Variants in PBRM1 observed in about 807,000 individuals in gnomAD.
The protein encoded by PBRM1 is polybromo 1, also known as protein polybromo-1.
PBRM1 carries 27 observed loss-of-function variants against 194.5 expected under a neutral mutation model. That is an observed-to-expected ratio of 0.14 (90% CI 0.10 to 0.19). The LOEUF (loss-of-function observed/expected upper bound fraction) is 0.19. Ranked by LOEUF, PBRM1 falls within the 10% of genes least tolerant of loss-of-function variation. The pLI, the probability that PBRM1 is intolerant of heterozygous loss-of-function variation, is 1.00. For missense variants in PBRM1, 1,466 were observed against 2,077.2 expected, an observed-to-expected ratio of 0.71 and a Z score of 5.72; for synonymous variants, 655 against 693.2, an observed-to-expected ratio of 0.94 and a Z score of 0.87.
At chr3:52,669,003 A>G (rs1469217486) in intron 2 of PBRM1, among the ~76,000 whole-genome samples, 1 of 152,196 alleles carries the variant, frequency 6.6e-6, no homozygotes, top group Non-Finnish European at 1.5e-5. Flanking sequence ...CATAGTGCTC[A>G]AAAGTGTGAA....
chr3:52,601,131 A>T (rs1487261418), intron 17 of PBRM1, among the ~76,000 whole-genome samples: 1 of 152,206 alleles, frequency 6.6e-6, no homozygotes, highest in Non-Finnish European at 1.5e-5. Context: ...CTGAAGATGT[A>T]TCTGTGGTGT....
Position 52,599,286 on chromosome 3 carries a change from A to C in PBRM1, c.2779+4235T>G, listed in dbSNP as rs146179487. ...ATCAAATCAGGGTAATTAGCATATT[A>C]ATACTCTCAAGGATTTATCACTTCT... On this transcript the variant is annotated intron_variant, in intron 17 of 29. Transcript: ENST00000296302. Among the ~76,000 whole-genome samples the C allele has an allele frequency of 3.6e-3, 548 of 152,328 alleles. 5 individuals carry two copies. Among genetic ancestry groups the C allele is most frequent in the South Asian group, 0.02 (98 of 4,824 alleles).
intron 17 of PBRM1, 89 bp from the exon 20 acceptor site, chr3:52,589,344 A>G (rs1422825548): frequency 1.9e-5 from 14 of 736,710 alleles, no homozygotes; most frequent in Non-Finnish European, 2.3e-5. Context: ...ACACATACTA[A>G]TAATACATTT....
chr3:52,669,018 G>A (rs1467955124), intron 2 of PBRM1, among the ~76,000 whole-genome samples: 1 of 152,140 alleles, frequency 6.6e-6, no homozygotes, highest in Admixed American at 6.5e-5. Context: ...TGTGAAAACA[G>A]AGATATGTCT....
intron 10 of PBRM1, among the ~76,000 whole-genome samples, chr3:52,639,036 G>T (rs1458833419): frequency 1.3e-5 from 2 of 149,396 alleles, no homozygotes; most frequent in Non-Finnish European, 3.0e-5. Flanking sequence ...CCAGGCTGGA[G>T]TGCAATGGCA....
At chr3:52,594,085 T>C (rs1435300961) in intron 17 of PBRM1, among the ~76,000 whole-genome samples, 1 of 152,194 alleles carries the variant, frequency 6.6e-6, no homozygotes, top group African/African-American at 2.4e-5. Flanking sequence ...TCCTGCTGTG[T>C]TACCCAGGCT....
chr3:52,561,484 C>A (rs2083515818), intron 25 of PBRM1, among the ~76,000 whole-genome samples: 2 of 152,096 alleles, frequency 1.3e-5, no homozygotes, highest in South Asian at 2.1e-4. Flanking sequence ...GCTTACAGGG[C>A]TCAATGAAAG....
At chr3:52,547,956 C>T (rs1450045282), downstream of PBRM1, 8 of 869,646 alleles carry the variant, frequency 9.2e-6, 1 homozygote, top group Non-Finnish European at 1.4e-5. Context: ...CAGTAAAATG[C>T]AATAAAAATT....
chr3:52,585,906 C>T (rs1169757078), intron 20 of PBRM1: 3 of 151,870 alleles, frequency 2.0e-5, no homozygotes, highest in Non-Finnish European at 4.4e-5. Context: ...TTGGACTTGT[C>T]AAATAATTAG....
intron 26 of PBRM1, among the ~76,000 whole-genome samples, chr3:52,557,947 A>G (rs986905625): frequency 2.0e-5 from 3 of 152,218 alleles, no homozygotes; most frequent in African/African-American, 4.8e-5. Context: ...GTCTACTTTC[A>G]TATTTTCTGC....
rs1464021077 is a variant in PBRM1, at chr3:52,676,072, G to A, written c.236+2428C>T. Among the ~76,000 whole-genome samples, 2 of 34,860 alleles carry A rather than the reference G, an allele frequency of 5.7e-5. 1 individual carries two copies. Among genetic ancestry groups the A allele is most frequent in the Non-Finnish European group, 9.8e-5 (2 of 20,406 alleles). The allele number at this position is 34,860 out of a possible 152,430, so 22.9% of individuals were successfully genotyped here. A position where few individuals can be genotyped will look rare whatever the true frequency, so the allele number is the denominator to read the frequency against. ...GGAGCTTGCAGTGAGCCGAGATCCC[G>A]CCACTGCACTCCAGCCTGGGCGACA... On this transcript the variant is annotated intron_variant, in intron 2 of 29. Coordinates refer to ENST00000296302, the Ensembl canonical transcript of PBRM1.
chr3:52,566,843 C>T (rs972830352), intron 22 of PBRM1, among the ~76,000 whole-genome samples: 7 of 151,970 alleles, frequency 4.6e-5, no homozygotes, highest in Admixed American at 2.6e-4. Flanking sequence ...CCAAGGTGGG[C>T]GGATCACCTG....
At chr3:52,549,661 T>C (rs1232705369) in intron 29 of PBRM1, among the ~76,000 whole-genome samples, 1 of 152,086 alleles carries the variant, frequency 6.6e-6, no homozygotes, top group Non-Finnish European at 1.5e-5. Context: ...TCCCAGCTCT[T>C]TGGGAGGCTG....
At chr3:52,566,587 T>C (rs1237952542) in intron 22 of PBRM1, among the ~76,000 whole-genome samples, 1 of 152,182 alleles carries the variant, frequency 6.6e-6, no homozygotes, top group Non-Finnish European at 1.5e-5. Context: ...ATTCCACTTA[T>C]ATGCAGTATA....
chr3:52,672,818 A>C (rs2096980413), intron 2 of PBRM1, among the ~76,000 whole-genome samples: 2 of 151,230 alleles, frequency 1.3e-5, no homozygotes, highest in Admixed American at 1.3e-4. Context: ...TGAAGAGAAT[A>C]GTGATTATAT....
downstream of PBRM1, chr3:52,545,999 G>GC: frequency 4.3e-6 from 1 of 233,122 alleles, no homozygotes; most frequent in Non-Finnish European, 8.5e-6. Flanking sequence ...GTCTAGTGAT[G>GC]CCCTGGGCCG....
At chr3:52,596,017 A>G (rs999128030) in intron 17 of PBRM1, among the ~76,000 whole-genome samples, 10 of 152,186 alleles carry the variant, frequency 6.6e-5, no homozygotes, top group African/African-American at 2.4e-4. Context: ...TTTTTATGCC[A>G]GCACCATGCT....
chr3:52,622,220 C>T (rs1341527373), intron 13 of PBRM1, among the ~76,000 whole-genome samples: 1 of 151,900 alleles, frequency 6.6e-6, no homozygotes, highest in Non-Finnish European at 1.5e-5. Flanking sequence ...GCACCTGTAT[C>T]CCAGCTACTT....
intron 25 of PBRM1, chr3:52,560,637 C>G (rs1410270172): frequency 6.6e-6 from 1 of 152,136 alleles, no homozygotes; most frequent in Admixed American, 6.5e-5. Context: ...TTGGGCCTGA[C>G]AACACACATA....
Sources: allele counts gnomAD v4.1 joint callset (sites outside exome capture counted in the v4.1 genomes callset), GRCh38; gene constraint gnomAD v4.1.1; transcripts MANE v1.5; gene names NCBI Gene and HGNC (gene_info 2026-07-23, HGNC 2026-07-21).